Variants in DISP1 observed in about 807,000 individuals in gnomAD.
The protein encoded by DISP1 is protein dispatched homolog 1.
A neutral mutation model predicts 37.3 loss-of-function variants in DISP1; 30 were observed. The ratio of observed to expected loss-of-function variants is 0.80; its 90% confidence interval spans 0.60 to 1.09. The LOEUF (loss-of-function observed/expected upper bound fraction) is 1.09. Among genes scored for constraint, DISP1 ranks in the 50% least tolerant of loss-of-function variants. The pLI is 0.00. For synonymous variants in DISP1, 634 were observed against 690.2 expected, an observed-to-expected ratio of 0.92 and a Z score of 1.28; for missense variants, 1,598 against 1,879.5, an observed-to-expected ratio of 0.85 and a Z score of 2.77.
At chr1:222,855,311 C>T (rs774025927) in intron 1 of DISP1, among the ~76,000 whole-genome samples, 3 of 152,088 alleles carry the variant, frequency 2.0e-5, no homozygotes, top group South Asian at 2.1e-4. Context: ...GAGTTCCAGG[C>T]GTTGGGAACT....
At chr1:222,866,414 G>C (rs189534935) in intron 1 of DISP1, among the ~76,000 whole-genome samples, 1 of 151,876 alleles carries the variant, frequency 6.6e-6, no homozygotes, top group Admixed American at 6.6e-5. Context: ...GTACAATCTC[G>C]GCTCACTGCA....
At chr1:222,988,389 A>ACT (rs1678425730) in intron 4 of DISP1, among the ~76,000 whole-genome samples, 1 of 152,200 alleles carries the variant, frequency 6.6e-6, no homozygotes, top group Non-Finnish European at 1.5e-5. Flanking sequence ...CTAGAACCAG[A>ACT]CTATCTAGGT....
In DISP1 at chr1:222,959,102, T is replaced by C. The variant is rs751359098; in HGVS notation, c.509+15770T>C. Among the ~76,000 whole-genome samples the C allele has an allele frequency of 1.7e-4, 26 of 152,282 alleles. No homozygotes were observed. In the Middle Eastern group the frequency reaches 0.01, roughly 60 times the overall value. ...TAATAAATTTTATCGTGACTATAAA[T>C]TTTCCAAAATATTTTGTAATTATGA... On this transcript the variant is annotated intron_variant, in intron 3 of 8. Transcript: ENST00000675850.
At chr1:222,916,499 C>CA in intron 1 of DISP1, among the ~76,000 whole-genome samples, 1 of 152,160 alleles carries the variant, frequency 6.6e-6, no homozygotes, top group Non-Finnish European at 1.5e-5. Context: ...GCATGCCAAT[C>CA]AATTGTAATG....
At chr1:222,948,441 G>T (rs546169404) in intron 3 of DISP1, among the ~76,000 whole-genome samples, 1 of 152,262 alleles carries the variant, frequency 6.6e-6, no homozygotes, top group Non-Finnish European at 1.5e-5. Flanking sequence ...GAACAGGGCA[G>T]TTTGGGAAAG....
intron 1 of DISP1, among the ~76,000 whole-genome samples, chr1:222,832,756 C>T (rs558508326): frequency 2.0e-4 from 31 of 152,020 alleles, no homozygotes; most frequent in Admixed American, 1.6e-3. Flanking sequence ...ATCAGCCAGG[C>T]GTGGTGGCTC....
intron 3 of DISP1, among the ~76,000 whole-genome samples, chr1:222,949,164 C>A (rs1288291337): frequency 2.0e-5 from 3 of 152,102 alleles, no homozygotes; most frequent in Non-Finnish European, 4.4e-5. Context: ...GAGGCTGTGG[C>A]AGGCCAATCA....
chr1:222,940,566 T>C (rs976786687), intron 2 of DISP1, among the ~76,000 whole-genome samples: 2 of 152,244 alleles, frequency 1.3e-5, no homozygotes, highest in Non-Finnish European at 2.9e-5. Flanking sequence ...CTCACTGGCA[T>C]GACTTACCCA....
intron 1 of DISP1, among the ~76,000 whole-genome samples, chr1:222,917,209 T>C (rs1672542574): frequency 6.6e-6 from 1 of 150,514 alleles, no homozygotes; most frequent in East Asian, 2.0e-4. Flanking sequence ...TTTAAAACAG[T>C]TTCTTTTAAG....
In DISP1 at chr1:223,003,141, A is replaced by T. The variant is rs1307604521; in HGVS notation, c.1744A>T (p.Asn582Tyr). 16 of 1,614,060 alleles carry T rather than the reference A, an allele frequency of 9.9e-6. No homozygotes were observed. Among genetic ancestry groups the T allele is most frequent in the Non-Finnish European group, 1.3e-5 (15 of 1,180,048 alleles). The change falls in exon 9 of 9, where the codon AAC becomes TAC. Residue 582 changes from asparagine (N) to tyrosine (Y), a missense_variant. Asn to Tyr is a moderately radical substitution (Grantham distance 143). Coordinates refer to ENST00000675850, the MANE Select transcript of DISP1 (RefSeq NM_001377229.1). This position sits in a 1 kb window ranked among gnomAD's most constrained non-coding sequence, Gnocchi z 4.3. ...TGCTTTTGTCCTGTGTGATGTTTGGAACTACACAAAATTTGATAAGCCTCA... is the reference window on the plus strand; with the variant it reads ...TGCTTTTGTCCTGTGTGATGTTTGGTACTACACAAAATTTGATAAGCCTCA... Reference protein sequence around the residue: ...DDAFVLCDVWNYTKFDKPHAE... With the variant: ...DDAFVLCDVWYYTKFDKPHAE...
chr1:222,870,692 C>A (rs1201445397), intron 1 of DISP1, among the ~76,000 whole-genome samples: 1 of 151,978 alleles, frequency 6.6e-6, no homozygotes, highest in South Asian at 2.1e-4. Flanking sequence ...GGATATTAGC[C>A]CTTTGTCCGA....
At chr1:222,889,117 TA>T (rs1670804731) in intron 1 of DISP1, among the ~76,000 whole-genome samples, 1 of 152,120 alleles carries the variant, frequency 6.6e-6, no homozygotes, top group Admixed American at 6.5e-5. Flanking sequence ...ACACACTTTA[TA>T]ATTTGGGTGG....
At chr1:222,936,739 T>TTA (rs36159589) in intron 2 of DISP1, among the ~76,000 whole-genome samples, 16,852 of 82,514 alleles carry the variant, frequency 0.2, 2,121 homozygotes, top group South Asian at 0.41. Context: ...TATATAAAAA[T>TTA]TATATATCAT....
chr1:222,996,304 T>G (rs1679067589), intron 8 of DISP1, among the ~76,000 whole-genome samples: 2 of 152,222 alleles, frequency 1.3e-5, no homozygotes. Flanking sequence ...GTTGTAAATG[T>G]GTAGCGAAAT....
intron 1 of DISP1, among the ~76,000 whole-genome samples, chr1:222,815,661 A>C (rs1387559678): frequency 1.3e-5 from 2 of 150,826 alleles, no homozygotes; most frequent in East Asian, 4.0e-4. Context: ...TTTCGGGAAA[A>C]TATTGTATAT....
chr1:222,913,054 GA>G (rs1180571020), intron 1 of DISP1, among the ~76,000 whole-genome samples: 1 of 152,062 alleles, frequency 6.6e-6, no homozygotes, highest in Non-Finnish European at 1.5e-5. Context: ...CTTTGTTCTT[GA>G]AAAAACTTCT....
chr1:222,936,962 TTTATAA>T (rs1673949541), intron 2 of DISP1, among the ~76,000 whole-genome samples: 6 of 102,010 alleles, frequency 5.9e-5, no homozygotes, highest in African/African-American at 7.7e-5. Context: ...TATTATATTA[TTTATAA>T]ATAATATTTT....
In DISP1 at chr1:223,003,915, T is replaced by C. The variant is rs780652006; in HGVS notation, c.2518T>C (p.Phe840Leu). The C allele has an allele frequency of 2.4e-5, 39 of 1,614,044 alleles. No homozygotes were observed. Among genetic ancestry groups the C allele is most frequent in the Non-Finnish European group, 3.2e-5 (38 of 1,180,036 alleles). Residue 840 changes from phenylalanine to leucine, a missense_variant, in exon 9 of 9, where the codon TTT becomes CTT. Transcript: ENST00000675850. This position sits in a 1 kb window ranked among gnomAD's most constrained non-coding sequence, Gnocchi z 4.3. ...FCQKLRNQTF[F>L]YQTDEQDFTS... ...TCAAAAACTGAGAAACCAAACATTC[T>C]TTTACCAGACTGATGAACAGGACTT...
Position 223,004,706 on chromosome 1 carries a change from A to G in DISP1, c.3309A>G (p.Leu1103=), listed in dbSNP as rs775446148. The change falls in exon 9 of 9, where the codon CTA becomes CTG. Residue 1103 remains leucine, a synonymous_variant. Coordinates refer to ENST00000675850, the MANE Select transcript of DISP1 (RefSeq NM_001377229.1). The surrounding 1 kb of genome is among the most constrained non-coding windows in gnomAD (Gnocchi z 4.9). The part of the protein sequence containing the change: ...AGAMMMPSTV[L]AYTQLGTFMM... ...CCATGATGATGCCCTCCACAGTTCT[A>G]GCTTACACCCAGCTGGGCACCTTCA... 83 of 1,613,816 alleles carry G rather than the reference A, an allele frequency of 5.1e-5. No homozygotes were observed. The highest frequency in any genetic ancestry group is 6.9e-5 in the Non-Finnish European group (81 of 1,180,030).
Sources: allele counts gnomAD v4.1 joint callset (sites outside exome capture counted in the v4.1 genomes callset), GRCh38; gene constraint gnomAD v4.1.1; non-coding constraint Gnocchi (gnomAD v3.1); transcripts MANE v1.5; gene names NCBI Gene and HGNC (gene_info 2026-07-23, HGNC 2026-07-21).